The following TMEM128 variants were observed in gnomAD, a reference collection of about 807,000 sequenced individuals.
TMEM128 encodes transmembrane protein 128.
In TMEM128, 16 loss-of-function variants were observed where a neutral mutation model predicts 19.7. The observed-to-expected ratio is 0.81, with a 90% CI of 0.55 to 1.23. The LOEUF is 1.23. TMEM128 is among the 50% of genes most tolerant of loss of function. The probability of loss-of-function intolerance (pLI) is 0.00; values close to 1 mark genes in which losing one functional copy is unlikely to be tolerated. For missense variants in TMEM128, 237 were observed against 200.8 expected, an observed-to-expected ratio of 1.18 and a Z score of -1.09; for synonymous variants, 98 against 75.8, an observed-to-expected ratio of 1.29 and a Z score of -1.52.
At chr4:4,240,834 T>C (rs377205134) in intron 2 of TMEM128, among the ~76,000 whole-genome samples, 1 of 152,166 alleles carries the variant, frequency 6.6e-6, no homozygotes, top group African/African-American at 2.4e-5. Context: ...TCCCAACACT[T>C]TGGAAGGCCG....
At chr4:4,243,519 C>T (rs1298102301) in intron 2 of TMEM128, among the ~76,000 whole-genome samples, 1 of 152,194 alleles carries the variant, frequency 6.6e-6, no homozygotes, top group Non-Finnish European at 1.5e-5. Context: ...GCCATTTTAG[C>T]CATTTTCCAA....
At chr4:4,243,765 G>A (rs1478125854) in intron 2 of TMEM128, among the ~76,000 whole-genome samples, 3 of 152,080 alleles carry the variant, frequency 2.0e-5, no homozygotes, top group Admixed American at 6.6e-5. Flanking sequence ...TCTGCGTCCC[G>A]GCTTTGCCAC....
chr4:4,240,543 T>G, intron 2 of TMEM128, 64 bp from the exon 3 acceptor site: 1 of 1,520,298 alleles, frequency 6.6e-7, no homozygotes, highest in South Asian at 1.3e-5. Flanking sequence ...ATCTTAAAAG[T>G]TTTTACTAAT....
chr4:4,247,509 G>T (rs1718233106), intron 1 of TMEM128: 1 of 1,577,758 alleles, frequency 6.3e-7, no homozygotes, highest in East Asian at 2.2e-5. Context: ...CTTAACCTCA[G>T]ATCTAATCCC....
rs556600230 is a variant in TMEM128, at chr4:4,244,087, T to C, written c.239+2115A>G. ...GCTGTTGGAGAGCTAGAAATGCACC[T>C]TCCACGTGTTTGGCACTGACAGCCA... On this transcript the variant is annotated intron_variant, in intron 2 of 4. Coordinates refer to ENST00000382753, the MANE Select transcript of TMEM128 (RefSeq NM_001297551.2). 1.2e-4 allele frequency among the ~76,000 whole-genome samples: 18 copies of C among 152,258 alleles called. No homozygotes were observed. The South Asian group carries it at 3.7e-3, about 32-fold the overall frequency.
intron 1 of TMEM128, among the ~76,000 whole-genome samples, chr4:4,247,136 C>T (rs143591957): frequency 2.8e-4 from 42 of 152,298 alleles, no homozygotes; most frequent in African/African-American, 1.0e-3. Flanking sequence ...CTAGTTCCAG[C>T]ACAGCACTGT....
chr4:4,246,853 T>G (rs1455136052), intron 1 of TMEM128, among the ~76,000 whole-genome samples: 1 of 151,992 alleles, frequency 6.6e-6, no homozygotes, highest in African/African-American at 2.4e-5. Context: ...GTTCAAGCAA[T>G]TCTCCTGCCT....
In TMEM128 at chr4:4,248,199, C is replaced by G. The variant is rs1403209178; in HGVS notation, c.4G>C (p.Asp2His). The change falls in exon 1 of 5, where the codon GAC becomes CAC. Residue 2 changes from aspartate to histidine, a missense_variant. Transcript: ENST00000382753. ...AGCTGCTGCCGGGCCCGCGAGGAGT[C>G]CATCTTGGTACCGCCCCGAAATGCG... The part of the protein sequence containing the change: M[D>H]SSRARQQLRR... 2 of 1,521,746 alleles carry G rather than the reference C, an allele frequency of 1.3e-6. No individual in the cohort carries two copies. Among genetic ancestry groups the G allele is most frequent in the East Asian group, 2.5e-5 (1 of 39,822 alleles). 94.3% of individuals were successfully genotyped at this position (1,521,746 alleles called of 1,614,324 possible).
At chr4:4,237,179 AT>A (rs34548596) in intron 4 of TMEM128, 6 of 414,066 alleles carry the variant, frequency 1.4e-5, no homozygotes, top group Non-Finnish European at 2.4e-5. Context: ...AGATGGCAGA[AT>A]TTTTTTTCCC....
chr4:4,240,238 G>A (rs1560217907), intron 3 of TMEM128, 83 bp downstream of exon 3: 9 of 1,403,706 alleles, frequency 6.4e-6, no homozygotes, highest in Admixed American at 4.7e-5. Flanking sequence ...TTTTTCTTTC[G>A]AAGTTTGGAC....
At chr4:4,236,477 C>G (rs1372822813) in intron 4 of TMEM128, among the ~76,000 whole-genome samples, 2 of 152,130 alleles carry the variant, frequency 1.3e-5, no homozygotes, top group African/African-American at 2.4e-5. Context: ...ATTCAAGAGT[C>G]AAAGAAGGGG....
chr4:4,247,113 G>A (rs1177208290), intron 1 of TMEM128, among the ~76,000 whole-genome samples: 1 of 152,156 alleles, frequency 6.6e-6, no homozygotes, highest in Non-Finnish European at 1.5e-5. Context: ...AGTGGAAACG[G>A]CACACCAGAG....
chr4:4,239,912 T>A (rs1717880078), intron 3 of TMEM128, among the ~76,000 whole-genome samples: 1 of 152,222 alleles, frequency 6.6e-6, no homozygotes, highest in Non-Finnish European at 1.5e-5. Flanking sequence ...GGGCAGTATT[T>A]ACCTGTGGCA....
intron 3 of TMEM128, among the ~76,000 whole-genome samples, chr4:4,238,961 TG>T (rs1717834153): frequency 6.6e-6 from 1 of 152,000 alleles, no homozygotes; most frequent in Admixed American, 6.6e-5. Context: ...CACTTAAGCC[TG>T]GGAAGTCGAG....
Position 4,235,621 on chromosome 4 carries a change from T to C in TMEM128, c.*645A>G, listed in dbSNP as rs1380599663. On this transcript the variant is annotated 3_prime_UTR_variant, in exon 5 of 5. Coordinates refer to ENST00000382753, the MANE Select transcript of TMEM128 (RefSeq NM_001297551.2). Reference sequence around the variant, plus strand: ...GTGATTAAAACTTCACATTAGGAAATGCTAAAAACCCAGTAATGTACATAA... The same window carrying C: ...GTGATTAAAACTTCACATTAGGAAACGCTAAAAACCCAGTAATGTACATAA... 6.6e-6 allele frequency: 1 copy of C among 152,606 alleles called. No homozygotes were observed. Among genetic ancestry groups the C allele is most frequent in the Admixed American group, 6.5e-5 (1 of 15,282 alleles). 9.5% of individuals were successfully genotyped at this position (152,606 alleles called of 1,614,324 possible).
At chr4:4,241,556 C>A (rs1432526547) in intron 2 of TMEM128, among the ~76,000 whole-genome samples, 2 of 152,180 alleles carry the variant, frequency 1.3e-5, no homozygotes, top group Non-Finnish European at 1.5e-5. Context: ...ATGGCTACAA[C>A]AGATAAGTTA....
At chr4:4,247,354 T>C (rs946118805) in intron 1 of TMEM128, among the ~76,000 whole-genome samples, 7 of 152,220 alleles carry the variant, frequency 4.6e-5, no homozygotes, top group African/African-American at 9.6e-5. Context: ...ATGTTCGTAA[T>C]ATTCTGGGAT....
chr4:4,244,121 T>A (rs1242376291), intron 2 of TMEM128, among the ~76,000 whole-genome samples: 1 of 152,124 alleles, frequency 6.6e-6, no homozygotes, highest in East Asian at 1.9e-4. Context: ...CAAACACATC[T>A]CAGCCTCCAT....
At chr4:4,243,229 G>A (rs775602266) in intron 2 of TMEM128, among the ~76,000 whole-genome samples, 4 of 152,076 alleles carry the variant, frequency 2.6e-5, no homozygotes, top group African/African-American at 7.2e-5. Context: ...ACAGGCGCCC[G>A]CCACCATGCC....
Sources: allele counts gnomAD v4.1 joint callset (sites outside exome capture counted in the v4.1 genomes callset), GRCh38; gene constraint gnomAD v4.1.1; transcripts MANE v1.5; gene names NCBI Gene and HGNC (gene_info 2026-07-23, HGNC 2026-07-21).